SUCLG2: variants seen among roughly 807,000 people sequenced by gnomAD.
The protein encoded by SUCLG2 is succinate-CoA ligase GDP-forming subunit beta, also known as succinate--CoA ligase [GDP-forming] subunit beta, mitochondrial.
Under a neutral mutation model 47.9 loss-of-function variants are expected in SUCLG2, and 42 were observed. That is an observed-to-expected ratio of 0.88 (90% CI 0.69 to 1.14). The LOEUF (loss-of-function observed/expected upper bound fraction) is 1.14. Ranked by LOEUF, SUCLG2 falls within the 50% of genes most tolerant of loss-of-function variation. The probability of loss-of-function intolerance (pLI) is 0.00; values close to 1 mark genes in which losing one functional copy is unlikely to be tolerated. For synonymous variants in SUCLG2, 195 were observed against 197.3 expected (o/e 0.99, Z 0.10); for missense variants, 571 against 525.9 (o/e 1.09, Z -0.84).
chr3:67,522,727 G>A (rs1469404443), intron 4 of SUCLG2, among the ~76,000 whole-genome samples: 2 of 149,220 alleles, frequency 1.3e-5, no homozygotes, highest in South Asian at 2.1e-4. Context: ...GCAGTGGCGC[G>A]ATCTCGGCTC....
chr3:67,425,232 T>A (rs777948016), intron 9 of SUCLG2, among the ~76,000 whole-genome samples: 13 of 152,226 alleles, frequency 8.5e-5, no homozygotes, highest in Non-Finnish European at 1.6e-4. Flanking sequence ...ATTTTAGGCA[T>A]ACAGAATAAG....
intron 2 of SUCLG2, among the ~76,000 whole-genome samples, chr3:67,601,566 T>A (rs1708418593): frequency 6.6e-6 from 1 of 152,160 alleles, no homozygotes; most frequent in South Asian, 2.1e-4. Context: ...TGCCAAACTT[T>A]ACAATGGGGT....
Position 67,557,659 on chromosome 3 carries a change from T to C in SUCLG2, c.227-28473A>G, listed in dbSNP as rs892416996. Among the ~76,000 whole-genome samples, 6 of 152,192 alleles carry C rather than the reference T, an allele frequency of 3.9e-5. No homozygotes were observed. In the East Asian group the frequency reaches 1.2e-3, roughly 29 times the overall value. Reference sequence around the variant, plus strand: ...TATCATTTAAATATATAGAGCTGTATGATATATCACTGAAATCAGTGGTTT... The same window carrying C: ...TATCATTTAAATATATAGAGCTGTACGATATATCACTGAAATCAGTGGTTT... On this transcript the variant is annotated intron_variant, in intron 2 of 10. Coordinates refer to ENST00000307227, the MANE Select transcript of SUCLG2 (RefSeq NM_003848.4).
At position 67,379,253 on chromosome 3, in the gene SUCLG2, T is replaced by C. The variant is rs985048918; in HGVS notation, c.1184-3394A>G. Among the ~76,000 whole-genome samples the C allele has an allele frequency of 5.9e-5, 9 of 152,258 alleles. 1 individual carries two copies. Among genetic ancestry groups the C allele is most frequent in the Admixed American group, 2.6e-4 (4 of 15,300 alleles). The stretch of plus-strand genomic sequence containing the variant: ...GAGCCACCGTACCCCATGTGTAAAT[T>C]TCTATCTCCTCCTGCAGAGACGTAG... On this transcript the variant is annotated intron_variant, in intron 10 of 10. Transcript: ENST00000307227.
chr3:67,502,956 C>A (rs1171239487), intron 7 of SUCLG2, among the ~76,000 whole-genome samples: 1 of 152,080 alleles, frequency 6.6e-6, no homozygotes, highest in Non-Finnish European at 1.5e-5. Flanking sequence ...GTGCATAAGG[C>A]CAAGGCTAAA....
intron 9 of SUCLG2, among the ~76,000 whole-genome samples, chr3:67,437,256 T>C (rs993910268): frequency 2.0e-5 from 3 of 152,116 alleles, no homozygotes; most frequent in Admixed American, 6.6e-5. Flanking sequence ...AAAGCCCACA[T>C]GCAAGGGGAG....
intron 10 of SUCLG2, among the ~76,000 whole-genome samples, chr3:67,379,660 A>G (rs568464285): frequency 2.6e-5 from 4 of 152,264 alleles, no homozygotes; most frequent in Admixed American, 2.0e-4. Flanking sequence ...ATTCATGAGC[A>G]CAAAGATGTG....
At chr3:67,367,293 T>TC in intron 10 of SUCLG2, among the ~76,000 whole-genome samples, 1 of 152,184 alleles carries the variant, frequency 6.6e-6, no homozygotes, top group Admixed American at 6.5e-5. Context: ...TTAATATTTA[T>TC]CCCCCCAAAA....
In SUCLG2 at chr3:67,585,965, T is replaced by TA. The variant is rs1708004486; in HGVS notation, c.226+23489_226+23490insT. On this transcript the variant is annotated intron_variant, in intron 2 of 10. Coordinates refer to ENST00000307227, the MANE Select transcript of SUCLG2 (RefSeq NM_003848.4). ...CTGGGCAAAAGAGCAAGACTCCATT[T>TA]CAAAAAAAAAAAAAAAAAAAAAAAA... is the stretch of plus-strand genomic sequence containing the variant. Among the ~76,000 whole-genome samples the TA allele has an allele frequency of 2.9e-4, 6 of 20,856 alleles. 1 individual carries two copies. Among genetic ancestry groups the TA allele is most frequent in the African/African-American group, 6.8e-4 (5 of 7,366 alleles). 13.7% of individuals were successfully genotyped at this position (20,856 alleles called of 152,430 possible).
intron 2 of SUCLG2, among the ~76,000 whole-genome samples, chr3:67,597,988 C>T (rs1708333020): frequency 6.7e-6 from 1 of 150,370 alleles, no homozygotes; most frequent in Non-Finnish European, 1.5e-5. Flanking sequence ...TTTCCTTTTC[C>T]TTTTTTTTTG....
chr3:67,654,126 T>C (rs973902732), intron 1 of SUCLG2, among the ~76,000 whole-genome samples: 2 of 152,176 alleles, frequency 1.3e-5, no homozygotes, highest in South Asian at 2.1e-4. Flanking sequence ...TGCCAGAAGT[T>C]TGAAAAGCAG....
chr3:67,646,373 C>T (rs1246540204), intron 1 of SUCLG2, among the ~76,000 whole-genome samples: 6 of 152,106 alleles, frequency 3.9e-5, no homozygotes, highest in African/African-American at 1.2e-4. Flanking sequence ...GGTGGGTGGA[C>T]CACCTGAGGT....
In SUCLG2 at chr3:67,520,565, T is replaced by C; in HGVS notation, c.487A>G (p.Asn163Asp). 2 of 1,614,182 alleles carry C rather than the reference T, an allele frequency of 1.2e-6. No individual in the cohort carries two copies. Among genetic ancestry groups the C allele is most frequent in the Non-Finnish European group, 1.7e-6 (2 of 1,180,002 alleles). Residue 163 changes from asparagine to aspartate, a missense_variant, in exon 5 of 11, where the codon AAT becomes GAT. Asn to Asp is a conservative substitution (Grantham distance 23). Transcript: ENST00000307227. ...GGGCTGCCCACCAGCACGGGGCCAT[T>C]GCAGGACCGGTCCATCAGAATTGCC... ...YLAILMDRSC[N>D]GPVLVGSPQG...
At chr3:67,366,700 GACA>G (rs1701880618) in intron 10 of SUCLG2, among the ~76,000 whole-genome samples, 1 of 152,168 alleles carries the variant, frequency 6.6e-6, no homozygotes, top group African/African-American at 2.4e-5. Flanking sequence ...CTCATAGGAT[GACA>G]ACGTTGAGCA....
chr3:67,503,503 A>G (rs1705556542), intron 7 of SUCLG2, among the ~76,000 whole-genome samples: 1 of 152,190 alleles, frequency 6.6e-6, no homozygotes, highest in Non-Finnish European at 1.5e-5. Context: ...CAGGGCGATA[A>G]AATAAACTTG....
chr3:67,456,570 A>C (rs1441117074), intron 9 of SUCLG2, among the ~76,000 whole-genome samples: 1 of 152,240 alleles, frequency 6.6e-6, no homozygotes, highest in Non-Finnish European at 1.5e-5. Context: ...ATTCAACTCA[A>C]ACAAGGGTAT....
At chr3:67,585,993 C>CAAAAAAAAA (rs1575797477) in intron 2 of SUCLG2, among the ~76,000 whole-genome samples, 1 of 20,736 alleles carries the variant, frequency 4.8e-5, no homozygotes, top group African/African-American at 1.4e-4. Context: ...AAAAAAAAAC[C>CAAAAAAAAA]AAACCCACAA....
intron 2 of SUCLG2, among the ~76,000 whole-genome samples, chr3:67,574,258 T>C (rs1406951031): frequency 6.6e-6 from 1 of 152,212 alleles, no homozygotes; most frequent in Non-Finnish European, 1.5e-5. Flanking sequence ...TTTATACTTG[T>C]TAAGACATCT....
At chr3:67,586,902 T>A (rs533001484) in intron 2 of SUCLG2, among the ~76,000 whole-genome samples, 2 of 152,184 alleles carry the variant, frequency 1.3e-5, no homozygotes, top group African/African-American at 4.8e-5. Flanking sequence ...CCATTTACTG[T>A]TACTGTTCAC....
Sources: gnomAD v4.1 joint callset for allele counts (sites outside exome capture counted in the v4.1 genomes callset) on GRCh38, gnomAD v4.1.1 for gene constraint, MANE v1.5 for transcripts, NCBI Gene and HGNC (gene_info 2026-07-23, HGNC 2026-07-21) for gene names.